The following BAHCC1 variants were observed in gnomAD, a reference collection of about 807,000 sequenced individuals.
BAHCC1 encodes the protein BAH and coiled-coil domain-containing protein 1.
Under a neutral mutation model 88.2 loss-of-function variants are expected in BAHCC1, and 43 were observed. The observed-to-expected ratio is 0.49, with a 90% CI of 0.38 to 0.63. The LOEUF is 0.63. Among genes scored for constraint, BAHCC1 ranks in the 20% least tolerant of loss-of-function variants. The pLI is 0.00. For synonymous variants in BAHCC1, 1,510 were observed against 745.5 expected (o/e 2.03, Z -16.71); for missense variants, 3,023 against 1,654.8 (o/e 1.83, Z -14.34).
In BAHCC1 at chr17:81,442,773, G is replaced by T; in HGVS notation, c.1424G>T (p.Gly475Val). Residue 475 changes from glycine to valine, a missense_variant, in exon 5 of 28, where the codon GGC becomes GTC. Gly to Val is a moderately radical substitution (Grantham distance 109, BLOSUM62 -3). Coordinates refer to ENST00000675386, the MANE Select transcript of BAHCC1 (RefSeq NM_001377448.1). ...LKGLDYLSSA[G>V]PEASFPGLPK... ...GGCCTCGACTATCTCAGCAGCGCAG[G>T]CCCCGAGGCCTCCTTCCCCGGACTC... is the stretch of plus-strand genomic sequence containing the variant. 2 of 779,458 alleles carry T rather than the reference G, an allele frequency of 2.6e-6. No homozygotes were observed. Among genetic ancestry groups the T allele is most frequent in the Non-Finnish European group, 4.8e-6 (2 of 417,874 alleles). 48.3% of individuals were successfully genotyped at this position (779,458 alleles called of 1,614,324 possible). A position where few individuals can be genotyped will look rare whatever the true frequency, so the allele number is the denominator to read the frequency against.
chr17:81,449,043 C>G (rs74002279), intron 11 of BAHCC1, among the ~76,000 whole-genome samples: 1 of 152,194 alleles, frequency 6.6e-6, no homozygotes, highest in African/African-American at 2.4e-5. Flanking sequence ...TAGCAGGTCC[C>G]GTGTGTATGG....
At position 81,445,616 on chromosome 17, in the gene BAHCC1, G is replaced by A. The variant is rs782541294; in HGVS notation, c.3098G>A (p.Arg1033His). Reference protein sequence around the residue: ...ASSPGPGSRVRSAEEKNGEGQ... With the variant: ...ASSPGPGSRVHSAEEKNGEGQ... ...AGCCCCGGGCCTGGCTCCCGGGTGCGCAGCGCCGAGGAAAAGAATGGGGAG... is the reference window on the plus strand; with the variant it reads ...AGCCCCGGGCCTGGCTCCCGGGTGCACAGCGCCGAGGAAAAGAATGGGGAG... Residue 1033 changes from arginine to histidine, a missense_variant, in exon 10 of 28, where the codon CGC becomes CAC. By Grantham distance (29) the Arg-to-His change is conservative (BLOSUM62 0). Coordinates refer to ENST00000675386, the MANE Select transcript of BAHCC1 (RefSeq NM_001377448.1). 122 of 730,904 alleles carry A rather than the reference G, an allele frequency of 1.7e-4. No individual in the cohort carries two copies. Among genetic ancestry groups the A allele is most frequent in the Admixed American group, 2.3e-4 (12 of 51,790 alleles). The allele number at this position is 730,904 out of a possible 1,614,324, so 45.3% of individuals were successfully genotyped here.
intron 2 of BAHCC1, chr17:81,402,063 T>C: frequency 6.6e-6 from 1 of 152,350 alleles, no homozygotes; most frequent in Non-Finnish European, 1.5e-5. Context: ...CCTCCCTGCT[T>C]CTTCTTGATC....
rs368881859 is a variant in BAHCC1, at chr17:81,411,046, G to A, written c.178+11129G>A. 16 of 518,314 alleles carry A rather than the reference G, an allele frequency of 3.1e-5. No individual in the cohort carries two copies. Among genetic ancestry groups the A allele is most frequent in the Admixed American group, 1.4e-4 (7 of 51,468 alleles). The allele number at this position is 518,314 out of a possible 1,614,324, so 32.1% of individuals were successfully genotyped here. On this transcript the variant is annotated intron_variant, in intron 2 of 27. Coordinates refer to ENST00000675386, the MANE Select transcript of BAHCC1 (RefSeq NM_001377448.1). This position sits in a 1 kb window ranked among gnomAD's most constrained non-coding sequence, Gnocchi z 6.2. ...GTCTGTGTGAAGGCCTGGGGCCCCC[G>A]TGCGCCTCCCCTCGGGCCTGAGGGG...
In BAHCC1 at chr17:81,411,581, C is replaced by T. The variant is rs1355716591; in HGVS notation, c.178+11664C>T. The T allele has an allele frequency of 4.7e-6, 2 of 427,274 alleles. No individual in the cohort carries two copies. The highest frequency in any genetic ancestry group is 9.3e-6 in the Non-Finnish European group (2 of 214,820). The allele number at this position is 427,274 out of a possible 1,614,324, so 26.5% of individuals were successfully genotyped here. A position where few individuals can be genotyped will look rare whatever the true frequency, so the allele number is the denominator to read the frequency against. On this transcript the variant is annotated intron_variant, in intron 2 of 27. Coordinates refer to ENST00000675386, the MANE Select transcript of BAHCC1 (RefSeq NM_001377448.1). The surrounding 1 kb of genome is among the most constrained non-coding windows in gnomAD (Gnocchi z 6.2). ...CTTCCTTCCTTCCTTCCTTGAGAGG[C>T]CTCTCTACCCAGCACCCACGAAGAC...
chr17:81,419,918 C>T (rs903430300), intron 2 of BAHCC1, among the ~76,000 whole-genome samples: 5 of 152,218 alleles, frequency 3.3e-5, no homozygotes, highest in East Asian at 3.9e-4. Context: ...TCCCGGCTCC[C>T]GGGCCCTGCC....
intron 2 of BAHCC1, among the ~76,000 whole-genome samples, chr17:81,421,689 G>A (rs1555649600): frequency 6.6e-6 from 1 of 152,216 alleles, no homozygotes; most frequent in Non-Finnish European, 1.5e-5. Flanking sequence ...GGGGCAAGGG[G>A]GATGCCGGGC....
At chr17:81,416,425 GGTGGGTGTATGT>G in intron 2 of BAHCC1, among the ~76,000 whole-genome samples, 1 of 147,368 alleles carries the variant, frequency 6.8e-6, no homozygotes, top group Non-Finnish European at 1.5e-5. Flanking sequence ...TGTCCATGAG[GGTGGGTGTATGT>G]GCGTGTGTGT....
chr17:81,421,286 C>T lies in BAHCC1; in HGVS notation c.179-5514C>T, dbSNP rs1027745836. Among the ~76,000 whole-genome samples the T allele has an allele frequency of 2.6e-5, 4 of 152,232 alleles. No homozygotes were observed. In the East Asian group the frequency reaches 7.7e-4, roughly 29 times the overall value. ...CCCTGGCTGGAGCCCAGGCTACACT[C>T]GGCTCCCAGGCAGCTGAGGCACAGG... On this transcript the variant is annotated intron_variant, in intron 2 of 27. Transcript: ENST00000675386.
chr17:81,414,735 G>A (rs1475996697), intron 2 of BAHCC1, among the ~76,000 whole-genome samples: 3 of 152,218 alleles, frequency 2.0e-5, no homozygotes, highest in Admixed American at 6.5e-5. Flanking sequence ...GTTCCCCGGG[G>A]TTCGTCACAG....
At position 81,460,898 on chromosome 17, in the gene BAHCC1, T is replaced by G. The variant is rs1555659034; in HGVS notation, c.6235T>G (p.Ser2079Ala). Reference protein sequence around the residue: ...KAELLTSGAKSPTGASDHFLG... With the variant: ...KAELLTSGAKAPTGASDHFLG... ...CGAACTCCTAACCTCAGGTGCCAAA[T>G]CCCCCACGGGGGCCTCCGACCACTT... The change falls in exon 26 of 28, where the codon TCC (serine) becomes GCC (alanine). Residue 2079 changes from serine (S) to alanine (A), a missense_variant. Coordinates refer to ENST00000675386, the MANE Select transcript of BAHCC1 (RefSeq NM_001377448.1). 5.2e-6 allele frequency: 4 copies of G among 766,780 alleles called. No homozygotes were observed. The highest frequency in any genetic ancestry group is 5.1e-5 in the Admixed American group (3 of 58,986). 47.5% of individuals were successfully genotyped at this position (766,780 alleles called of 1,614,324 possible). A position where few individuals can be genotyped will look rare whatever the true frequency, so the allele number is the denominator to read the frequency against.
At chr17:81,448,862 G>A (rs1183154453) in intron 11 of BAHCC1, among the ~76,000 whole-genome samples, 1 of 151,454 alleles carries the variant, frequency 6.6e-6, no homozygotes, top group South Asian at 2.1e-4. Context: ...TACCAGGGTG[G>A]GCTCCACCTG....
intron 2 of BAHCC1, chr17:81,413,061 C>T (rs1333820369): frequency 7.3e-6 from 3 of 413,522 alleles, no homozygotes; most frequent in African/African-American, 2.1e-5. Context: ...GTCCCGCCCA[C>T]ACCAAGCGCC....
intron 25 of BAHCC1, 55 bp downstream of exon 25, chr17:81,460,761 G>A (rs1417397854): frequency 5.2e-6 from 4 of 775,378 alleles, no homozygotes; most frequent in Non-Finnish European, 7.2e-6. Context: ...TCTGGGGGCT[G>A]GGGGAACCAG....
intron 2 of BAHCC1, chr17:81,406,879 CG>C (rs1315083539): frequency 6.6e-6 from 3 of 456,168 alleles, no homozygotes; most frequent in Admixed American, 2.3e-5. Flanking sequence ...GGGAGCCAGC[CG>C]GGCTGGCATG....
At chr17:81,448,734 C>T (rs1295974118) in intron 11 of BAHCC1, among the ~76,000 whole-genome samples, 2 of 152,214 alleles carry the variant, frequency 1.3e-5, no homozygotes, top group South Asian at 2.1e-4. Context: ...GGCTGCTGGC[C>T]CGCACGCGGC....
At position 81,461,113 on chromosome 17, in the gene BAHCC1, C is replaced by T. The variant is rs1568038222; in HGVS notation, c.6450C>T (p.Gly2150=). ...ACAGCGTGGCCACACCCATATTTGG[C>T]AACGGCTTCCGCGCCGACTCCTTCA... ...PVHSVATPIF[G]NGFRADSFSS... is the part of the protein sequence containing the mutation. The change falls in exon 26 of 28, where the codon GGC becomes GGT. Residue 2150 remains glycine, a synonymous_variant. Transcript: ENST00000675386. 1 of 765,648 alleles carries T rather than the reference C, an allele frequency of 1.3e-6. No homozygotes were observed. Among genetic ancestry groups the T allele is most frequent in the Non-Finnish European group, 2.4e-6 (1 of 416,670 alleles). 47.4% of individuals were successfully genotyped at this position (765,648 alleles called of 1,614,324 possible).
chr17:81,418,475 G>C (rs982689283), intron 2 of BAHCC1, among the ~76,000 whole-genome samples: 1 of 152,150 alleles, frequency 6.6e-6, no homozygotes, highest in African/African-American at 2.4e-5. Context: ...GCAGTGGGCT[G>C]GGGGGCTGGA....
chr17:81,452,090 G>A lies in BAHCC1; in HGVS notation c.4299G>A (p.Gln1433=), dbSNP rs547983528. ...AGCAGCGGGAGCTGGCCCGCCTGCAGCGCAAGCACGACCATGAGTACGCCT... is the reference window on the plus strand; with the variant it reads ...AGCAGCGGGAGCTGGCCCGCCTGCAACGCAAGCACGACCATGAGTACGCCT... The part of the protein sequence containing the change: ...KEKQRELARL[Q]RKHDHERDES... The change falls in exon 13 of 28, where the codon CAG becomes CAA. Residue 1433 remains glutamine, a synonymous_variant. Transcript: ENST00000675386. The A allele has an allele frequency of 3.1e-5, 20 of 635,500 alleles. No individual in the cohort carries two copies. Among genetic ancestry groups the A allele is most frequent in the Non-Finnish European group, 5.3e-5 (19 of 359,412 alleles). 39.4% of individuals were successfully genotyped at this position (635,500 alleles called of 1,614,324 possible).
Sources: gnomAD v4.1 joint callset for allele counts (sites outside exome capture counted in the v4.1 genomes callset) on GRCh38, gnomAD v4.1.1 for gene constraint, Gnocchi (gnomAD v3.1) non-coding constraint, MANE v1.5 for transcripts, NCBI Gene and HGNC (gene_info 2026-07-23, HGNC 2026-07-21) for gene names.